The following DMD variants were observed in gnomAD, a reference collection of about 807,000 sequenced individuals.
DMD encodes the protein dystrophin.
Under a neutral mutation model 330.1 loss-of-function variants are expected in DMD, and 63 were observed. The observed-to-expected ratio is 0.19, with a 90% CI of 0.16 to 0.24. DMD has a LOEUF of 0.24. Ranked by LOEUF, DMD falls within the 10% of genes least tolerant of loss-of-function variation. The pLI, the probability that DMD is intolerant of heterozygous loss-of-function variation, is 1.00. For synonymous variants in DMD, 1,223 were observed against 959.8 expected, an observed-to-expected ratio of 1.27 and a Z score of -5.07; for missense variants, 3,344 against 2,684.1, an observed-to-expected ratio of 1.25 and a Z score of -5.43.
At chrX:31,368,486 T>C (rs779382616) in intron 60 of DMD, among the ~76,000 whole-genome samples, 10 of 111,860 alleles carry the variant, frequency 8.9e-5, no homozygotes, top group African/African-American at 3.2e-4. Flanking sequence ...GGTATACACA[T>C]GCTCTGGCTT....
intron 48 of DMD, among the ~76,000 whole-genome samples, chrX:31,863,081 C>G (rs1253657768): frequency 1.8e-5 from 2 of 112,984 alleles, no homozygotes; most frequent in East Asian, 5.6e-4. Context: ...AGGTGGCTCA[C>G]GCCTGTAATC....
chrX:32,715,442 A>ACAT (rs1002144875), intron 7 of DMD, among the ~76,000 whole-genome samples: 2 of 95,035 alleles, frequency 2.1e-5, no homozygotes, highest in Non-Finnish European at 4.1e-5. Flanking sequence ...GTGCCACTGC[A>ACAT]CATCAGCCTG....
chrX:32,057,881 T>C (rs185292511), intron 44 of DMD, among the ~76,000 whole-genome samples: 16 of 111,029 alleles, frequency 1.4e-4, no homozygotes, highest in African/African-American at 4.2e-4. Context: ...GATAGTGTCA[T>C]AAAGGCAGAC....
At chrX:31,907,545 C>T (rs750381543) in intron 47 of DMD, among the ~76,000 whole-genome samples, 6 of 111,729 alleles carry the variant, frequency 5.4e-5, no homozygotes, top group Non-Finnish European at 1.1e-4. Flanking sequence ...CTTCCTTACA[C>T]CTTATACAAA....
chrX:32,155,407 C>T lies in DMD; in HGVS notation c.6438+61509G>A, dbSNP rs987412478. 8.0e-6 allele frequency: 6 copies of T among 752,572 alleles called. No individual in the cohort carries two copies. The African/African-American group carries it at 1.4e-4, about 17-fold the overall frequency. The allele number at this position is 752,572 out of a possible 1,213,427, so 62.0% of individuals were successfully genotyped here. A position where few individuals can be genotyped will look rare whatever the true frequency, so the allele number is the denominator to read the frequency against. On this transcript the variant is annotated intron_variant, in intron 44 of 78. Transcript: ENST00000357033. Reference sequence around the variant, plus strand: ...GTGCAAAAACCTCTTTCGGTCCCCACGGATGCTTTTAGTTCAGAGCAGCCA... The same window carrying T: ...GTGCAAAAACCTCTTTCGGTCCCCATGGATGCTTTTAGTTCAGAGCAGCCA...
intron 44 of DMD, among the ~76,000 whole-genome samples, chrX:32,091,907 A>G (rs942711469): frequency 5.4e-5 from 6 of 111,781 alleles, no homozygotes; most frequent in African/African-American, 1.6e-4. Flanking sequence ...AAAAAGAGCC[A>G]AAAGTGAGAT....
At chrX:32,735,544 C>G (rs1432221112) in intron 7 of DMD, among the ~76,000 whole-genome samples, 1 of 111,415 alleles carries the variant, frequency 9.0e-6, no homozygotes, top group Non-Finnish European at 1.9e-5. Context: ...ACCAAAACAG[C>G]ATGGTACTGG....
intron 51 of DMD, among the ~76,000 whole-genome samples, chrX:31,749,189 A>T (rs187626246): frequency 0.053 from 5,773 of 108,505 alleles, 402 homozygotes; most frequent in African/African-American, 0.18. Context: ...CATGTGCACA[A>T]TGTGCAGGTT....
Position 32,463,534 on chromosome X carries a change from G to T in DMD, c.3337C>A (p.Gln1113Lys). 1 of 1,201,384 alleles carries T rather than the reference G, an allele frequency of 8.3e-7. No individual in the cohort carries two copies. The highest frequency in any genetic ancestry group is 1.1e-6 in the Non-Finnish European group (1 of 889,481). ...PSLNSVNEGG[Q>K]KIKNEAEPEF... ...GGCTCTGCTTCATTCTTTATCTTCT[G>T]CCCACCTTCATTGACACTGTTTAGA... The change falls in exon 25 of 79, where the codon CAG becomes AAG. Residue 1113 changes from glutamine (Q) to lysine (K), a missense_variant. Coordinates refer to ENST00000357033, the MANE Select transcript of DMD (RefSeq NM_004006.3).
At chrX:33,157,035 A>G (rs1177533643) in intron 1 of DMD, among the ~76,000 whole-genome samples, 1 of 112,188 alleles carries the variant, frequency 8.9e-6, no homozygotes, top group Non-Finnish European at 1.9e-5. Context: ...ATAGATAATA[A>G]GATGTTTAAA....
At chrX:31,927,416 T>C (rs774687004) in intron 47 of DMD, among the ~76,000 whole-genome samples, 2 of 112,382 alleles carry the variant, frequency 1.8e-5, no homozygotes, top group Non-Finnish European at 1.9e-5. Flanking sequence ...TCACATTTCC[T>C]ACAATTATAA....
intron 52 of DMD, among the ~76,000 whole-genome samples, chrX:31,721,714 CTCTCTA>C (rs1447083698): frequency 3.0e-4 from 18 of 60,709 alleles, no homozygotes; most frequent in South Asian, 8.5e-4. Context: ...CTCTCTCTCT[CTCTCTA>C]TATATATATA....
chrX:32,670,662 T>C lies in DMD; in HGVS notation c.961-25510A>G, dbSNP rs186968115. On this transcript the variant is annotated intron_variant, in intron 9 of 78. Transcript: ENST00000357033. Reference sequence around the variant, plus strand: ...ATGTGACGATTTTTGCAAACCTTGTTCTATTTGGAATTTTAAGAAAGTAAG... The same window carrying C: ...ATGTGACGATTTTTGCAAACCTTGTCCTATTTGGAATTTTAAGAAAGTAAG... Among the ~76,000 whole-genome samples the C allele has an allele frequency of 2.7e-5, 3 of 112,246 alleles. No homozygotes were observed. In the Admixed American group the frequency reaches 2.9e-4, roughly 11 times the overall value.
At chrX:33,206,929 G>A (rs2051608127) in intron 1 of DMD, among the ~76,000 whole-genome samples, 1 of 109,834 alleles carries the variant, frequency 9.1e-6, no homozygotes, top group Non-Finnish European at 1.9e-5. Flanking sequence ...AGGTAAACTT[G>A]TGCCATAGGG....
chrX:32,694,430 C>G (rs772477080), intron 9 of DMD, among the ~76,000 whole-genome samples: 32 of 111,630 alleles, frequency 2.9e-4, no homozygotes, highest in Non-Finnish European at 5.1e-4. Flanking sequence ...TCTCACCCAT[C>G]TTGGTTTGTG....
At chrX:31,346,787 T>C (rs1386498927) in intron 61 of DMD, among the ~76,000 whole-genome samples, 1 of 108,139 alleles carries the variant, frequency 9.2e-6, no homozygotes, top group African/African-American at 3.4e-5. Context: ...TCACTTGAGG[T>C]CAGGAGCTCG....
At chrX:32,166,304 C>T (rs1658229671) in intron 44 of DMD, among the ~76,000 whole-genome samples, 1 of 109,919 alleles carries the variant, frequency 9.1e-6, no homozygotes, top group African/African-American at 3.3e-5. Flanking sequence ...GAAAAGAAAA[C>T]GTGTTAGCTG....
At chrX:31,177,324 A>G (rs1259499273) in intron 71 of DMD, among the ~76,000 whole-genome samples, 1 of 111,661 alleles carries the variant, frequency 9.0e-6, no homozygotes, top group Non-Finnish European at 1.9e-5. Context: ...CTGAATATTT[A>G]GCTTGGAGAG....
intron 21 of DMD, among the ~76,000 whole-genome samples, chrX:32,481,214 G>A (rs757833617): frequency 9.0e-6 from 1 of 110,620 alleles, no homozygotes; most frequent in East Asian, 2.9e-4. Context: ...ATTCTGGCAA[G>A]AATATCTTCT....
Sources: gnomAD v4.1 joint callset for allele counts (sites outside exome capture counted in the v4.1 genomes callset) on GRCh38, gnomAD v4.1.1 for gene constraint, MANE v1.5 for transcripts, NCBI Gene and HGNC (gene_info 2026-07-23, HGNC 2026-07-21) for gene names.